Variants in LOC400499 observed in about 807,000 individuals in gnomAD.
At chr16:11,453,009 C>A in the LOC400499 span, among the ~76,000 whole-genome samples, 1 of 152,142 alleles carries the variant, frequency 6.6e-6, no homozygotes, top group Non-Finnish European at 1.5e-5. Flanking sequence ...CTCACTTTCT[C>A]CACTTTTATT....
At chr16:11,447,442 T>A in the LOC400499 span, among the ~76,000 whole-genome samples, 1 of 152,154 alleles carries the variant, frequency 6.6e-6, no homozygotes, top group African/African-American at 2.4e-5. Flanking sequence ...ACTTGGTCCA[T>A]AGTATGTGCT....
the LOC400499 span, among the ~76,000 whole-genome samples, chr16:11,475,320 A>C: frequency 3.9e-5 from 6 of 152,150 alleles, no homozygotes; most frequent in African/African-American, 1.4e-4. Flanking sequence ...CCCAGAACTT[A>C]AAGTAAAATA....
the LOC400499 span, chr16:11,391,555 A>C: frequency 2.1e-6 from 2 of 949,980 alleles, no homozygotes; most frequent in Non-Finnish European, 2.7e-6. Context: ...AAGCGAGGCC[A>C]CATTTCTGAT....
the LOC400499 span, among the ~76,000 whole-genome samples, chr16:11,379,247 C>CA: frequency 2.6e-3 from 393 of 152,008 alleles, 1 homozygote; most frequent in African/African-American, 8.9e-3. Context: ...GATTCCATCT[C>CA]AAAAAAATAA....
chr16:11,458,203 G>A, the LOC400499 span, among the ~76,000 whole-genome samples: 11 of 152,168 alleles, frequency 7.2e-5, no homozygotes, highest in African/African-American at 1.7e-4. Context: ...AAAATTAGCC[G>A]GGCGTGGTCG....
At chr16:11,487,475 C>A in the LOC400499 span, 7 of 397,638 alleles carry the variant, frequency 1.8e-5, no homozygotes, top group Non-Finnish European at 2.7e-5. Flanking sequence ...TGAGACAGGG[C>A]CAGATACATG....
the LOC400499 span, among the ~76,000 whole-genome samples, chr16:11,405,563 G>A: frequency 1.8e-3 from 269 of 152,270 alleles, no homozygotes; most frequent in African/African-American, 6.0e-3. Context: ...GAGGGACGCC[G>A]TCCCTGCTGG....
chr16:11,375,385 C>T, the LOC400499 span, among the ~76,000 whole-genome samples: 11 of 137,808 alleles, frequency 8.0e-5, 1 homozygote, highest in Non-Finnish European at 1.2e-4. Flanking sequence ...GGGACCTCAG[C>T]TCACTGCAAC....
chr16:11,434,350 C>T, the LOC400499 span, among the ~76,000 whole-genome samples: 5 of 152,202 alleles, frequency 3.3e-5, no homozygotes, highest in South Asian at 8.3e-4. Flanking sequence ...AGCAAGACCC[C>T]GTTCCTACAA....
the LOC400499 span, among the ~76,000 whole-genome samples, chr16:11,453,613 C>A: frequency 6.6e-6 from 1 of 151,986 alleles, no homozygotes; most frequent in African/African-American, 2.4e-5. Flanking sequence ...GAAGGGCTAG[C>A]ATATGAAGTC....
At chr16:11,459,224 T>C in the LOC400499 span, among the ~76,000 whole-genome samples, 4 of 118,390 alleles carry the variant, frequency 3.4e-5, no homozygotes, top group Non-Finnish European at 6.6e-5. Flanking sequence ...TGAAAAGGAG[T>C]CTCGCTGTTT....
chr16:11,410,470 TTAAATAAA>T, the LOC400499 span, among the ~76,000 whole-genome samples: 1 of 151,978 alleles, frequency 6.6e-6, no homozygotes, highest in Admixed American at 6.6e-5. Flanking sequence ...AATTTAAAAA[TTAAATAAA>T]TAAATAAAGA....
chr16:11,460,450 G>A, the LOC400499 span: 1 of 1,508,096 alleles, frequency 6.6e-7, no homozygotes, highest in Non-Finnish European at 8.9e-7. Context: ...GCTCTCTCCG[G>A]ATGTCGCACC....
At chr16:11,383,345 G>A in the LOC400499 span, among the ~76,000 whole-genome samples, 1 of 152,152 alleles carries the variant, frequency 6.6e-6, no homozygotes. Context: ...GGGATTACAG[G>A]CGTGAGCCAC....
At chr16:11,459,728 G>C in the LOC400499 span, among the ~76,000 whole-genome samples, 1 of 152,194 alleles carries the variant, frequency 6.6e-6, no homozygotes, top group South Asian at 2.1e-4. Flanking sequence ...TCACCCCTGG[G>C]GACATGGGGT....
At chr16:11,403,165 G>T in the LOC400499 span, among the ~76,000 whole-genome samples, 152,136 of 152,286 alleles carry the variant, frequency 1, 75,995 homozygotes, top group Non-Finnish European at 1. Context: ...CGAGGCCCCT[G>T]TGCACGCTGG....
chr16:11,522,139 T>G, the LOC400499 span: 1 of 398,980 alleles, frequency 2.5e-6, no homozygotes, highest in East Asian at 3.6e-5. Context: ...GAGACAGCAA[T>G]GTCACCTTGA....
the LOC400499 span, among the ~76,000 whole-genome samples, chr16:11,376,323 G>A: frequency 6.6e-6 from 1 of 151,418 alleles, no homozygotes; most frequent in Non-Finnish European, 1.5e-5. Flanking sequence ...AGCTCTTACA[G>A]TTAGGTCTTT....
the LOC400499 span, among the ~76,000 whole-genome samples, chr16:11,378,515 C>T: frequency 1.9e-4 from 29 of 152,286 alleles, no homozygotes; most frequent in Non-Finnish European, 3.2e-4. Flanking sequence ...TTGCCCACCT[C>T]GGCCTCCCAA....
Sources: allele counts gnomAD v4.1 joint callset (sites outside exome capture counted in the v4.1 genomes callset), GRCh38; gene constraint gnomAD v4.1.1; transcripts MANE v1.5.